SUN3: variants seen among roughly 807,000 people sequenced by gnomAD.
SUN3 encodes the protein Sad1 and UNC84 domain containing 3.
In SUN3, 36 loss-of-function variants were observed where a neutral mutation model predicts 48.2. The observed-to-expected ratio is 0.75, with a 90% confidence interval of 0.57 to 0.99. The LOEUF is 0.99. Among genes scored for constraint, SUN3 ranks in the 50% least tolerant of loss-of-function variants. SUN3 has a pLI of 0.00. For synonymous variants in SUN3, 148 were observed against 147.9 expected (o/e 1.00, Z 0.00); for missense variants, 419 against 433.1 (o/e 0.97, Z 0.29).
upstream of SUN3, among the ~76,000 whole-genome samples, chr7:48,033,627 T>G (rs1790280307): frequency 6.6e-6 from 1 of 152,218 alleles, no homozygotes; most frequent in Admixed American, 6.5e-5. Flanking sequence ...TCATTATCAC[T>G]GAACTTATGA....
the SUN3 span, among the ~76,000 whole-genome samples, chr7:48,034,832 G>A: frequency 6.6e-6 from 1 of 151,984 alleles, no homozygotes; most frequent in Admixed American, 6.6e-5. Context: ...TATAAATATG[G>A]TTAAGAGCTT....
chr7:48,005,511 G>A (rs894944709), intron 6 of SUN3, among the ~76,000 whole-genome samples: 4 of 152,140 alleles, frequency 2.6e-5, no homozygotes, highest in Admixed American at 2.6e-4. Flanking sequence ...GGGCATGGTA[G>A]ATAAGATTAA....
At chr7:48,004,882 G>A (rs568591579) in intron 6 of SUN3, among the ~76,000 whole-genome samples, 4 of 152,312 alleles carry the variant, frequency 2.6e-5, no homozygotes, top group African/African-American at 7.2e-5. Flanking sequence ...GCCCACTCAC[G>A]TAGTTGCTTT....
At chr7:48,015,170 C>A (rs113131156) in intron 3 of SUN3, among the ~76,000 whole-genome samples, 1 of 152,204 alleles carries the variant, frequency 6.6e-6, no homozygotes, top group African/African-American at 2.4e-5. Context: ...GACCACTCTG[C>A]GTGCTCATCT....
At chr7:47,998,671 G>C (rs1217844781) in intron 6 of SUN3, among the ~76,000 whole-genome samples, 1 of 151,600 alleles carries the variant, frequency 6.6e-6, no homozygotes, top group African/African-American at 2.4e-5. Flanking sequence ...CTAGCTTTAA[G>C]CTTTATATTT....
At chr7:47,992,351 A>G (rs950465072) in intron 8 of SUN3, among the ~76,000 whole-genome samples, 3 of 152,224 alleles carry the variant, frequency 2.0e-5, no homozygotes, top group Non-Finnish European at 1.5e-5. Flanking sequence ...GCCTACAGTT[A>G]ATATATTCAG....
upstream of SUN3, among the ~76,000 whole-genome samples, chr7:48,030,879 G>A (rs1226773422): frequency 6.6e-6 from 1 of 152,120 alleles, no homozygotes; most frequent in Non-Finnish European, 1.5e-5. Flanking sequence ...TACACAATAA[G>A]GAAAGGACAC....
intron 2 of SUN3, among the ~76,000 whole-genome samples, chr7:48,021,716 T>C (rs1427826312): frequency 6.6e-6 from 1 of 152,132 alleles, no homozygotes; most frequent in East Asian, 1.9e-4. Context: ...AACACTACAA[T>C]GATATGTTAT....
chr7:47,988,755 G>C, intron 9 of SUN3, 33 bp downstream of exon 9: 1 of 1,343,510 alleles, frequency 7.4e-7, no homozygotes, highest in East Asian at 2.3e-5. Context: ...CAGTGATAGA[G>C]CTACTCATAT....
rs1034112472 is a variant in SUN3 at position 48,007,233 on chromosome 7, C to T, written c.424G>A (p.Asp142Asn). ...VLKALLRDMK[D>N]GMDNNHNWNT... ...CAGTTGTGATTATTGTCCATACCAT[C>T]CTTCATATCTCTTAGCAATGCCTTC... Residue 142 changes from aspartate to asparagine, a missense_variant, in exon 5 of 10, where the codon GAT becomes AAT. Coordinates refer to ENST00000297325, the MANE Select transcript of SUN3 (RefSeq NM_001030019.2). The T allele has an allele frequency of 6.2e-7, 1 of 1,612,724 alleles. No homozygotes were observed. Among genetic ancestry groups the T allele is most frequent in the African/African-American group, 1.3e-5 (1 of 74,860 alleles).
At chr7:48,023,841 A>G (rs1790065528) in intron 2 of SUN3, among the ~76,000 whole-genome samples, 1 of 152,232 alleles carries the variant, frequency 6.6e-6, no homozygotes, top group Admixed American at 6.5e-5. Flanking sequence ...ACAGATTCAA[A>G]GTAATCTTTA....
chr7:48,034,666 C>A, the SUN3 span, among the ~76,000 whole-genome samples: 3 of 152,134 alleles, frequency 2.0e-5, no homozygotes, highest in Non-Finnish European at 4.4e-5. Context: ...CTGTTGGTGT[C>A]TATTGGCCTC....
upstream of SUN3, among the ~76,000 whole-genome samples, chr7:48,030,389 C>T (rs758787844): frequency 2.0e-5 from 3 of 152,160 alleles, no homozygotes; most frequent in Non-Finnish European, 4.4e-5. Context: ...TATTGGTTCC[C>T]CTCTCTTTTA....
At chr7:48,001,781 C>T (rs1487740954) in intron 6 of SUN3, among the ~76,000 whole-genome samples, 1 of 152,098 alleles carries the variant, frequency 6.6e-6, no homozygotes, top group Non-Finnish European at 1.5e-5. Context: ...TGTGATCTGC[C>T]CGCCTCGGCC....
At chr7:48,027,826 A>G (rs1790177338) in intron 1 of SUN3, among the ~76,000 whole-genome samples, 1 of 152,078 alleles carries the variant, frequency 6.6e-6, no homozygotes, top group Non-Finnish European at 1.5e-5. Flanking sequence ...CCTTTTAACT[A>G]TTATTGGAGA....
chr7:47,989,130 CTAGA>C (rs1483733706), intron 8 of SUN3, among the ~76,000 whole-genome samples: 1 of 151,914 alleles, frequency 6.6e-6, no homozygotes, highest in Non-Finnish European at 1.5e-5. Flanking sequence ...AGATAGAGAG[CTAGA>C]TAGATAGATC....
chr7:47,995,851 A>G (rs576640522), intron 7 of SUN3, among the ~76,000 whole-genome samples, 180 bp downstream of exon 7: 62 of 152,360 alleles, frequency 4.1e-4, no homozygotes, highest in African/African-American at 1.4e-3. Flanking sequence ...TTTACTGACC[A>G]TAAAATAAGA....
upstream of SUN3, among the ~76,000 whole-genome samples, chr7:48,031,859 C>T (rs906747400): frequency 6.6e-6 from 1 of 152,002 alleles, no homozygotes; most frequent in Non-Finnish European, 1.5e-5. Flanking sequence ...CACACACACA[C>T]ACACACACAC....
chr7:47,990,586 C>T (rs916537542), intron 8 of SUN3, among the ~76,000 whole-genome samples: 1 of 151,676 alleles, frequency 6.6e-6, no homozygotes, highest in Non-Finnish European at 1.5e-5. Flanking sequence ...TCAAGTCTCT[C>T]GTTCCACCTG....
Sources: allele counts gnomAD v4.1 joint callset (sites outside exome capture counted in the v4.1 genomes callset), GRCh38; gene constraint gnomAD v4.1.1; transcripts MANE v1.5; gene names NCBI Gene and HGNC (gene_info 2026-07-23, HGNC 2026-07-21).